The following SIDT2 variants were observed in gnomAD, a reference collection of about 807,000 sequenced individuals.
The protein encoded by SIDT2 is SID1 transmembrane family, member 2.
A neutral mutation model predicts 114.4 loss-of-function variants in SIDT2; 68 were observed. The observed-to-expected ratio is 0.59, with a 90% CI of 0.49 to 0.73. SIDT2 has a LOEUF of 0.73. SIDT2 is among the 30% of genes least tolerant of loss of function. SIDT2 has a pLI of 0.00. For synonymous variants in SIDT2, 470 were observed against 438.4 expected (o/e 1.07, Z -0.90); for missense variants, 918 against 1,097.1 (o/e 0.84, Z 2.31).
chr11:117,187,325 C>T (rs993761477), intron 10 of SIDT2, 53 bp from the exon 11 acceptor site: 1 of 1,532,764 alleles, frequency 6.5e-7, no homozygotes, highest in Non-Finnish European at 9.0e-7. Flanking sequence ...TTCTCCCTGG[C>T]TCTAGGCCTC....
At position 117,197,015 on chromosome 11, in the gene SIDT2, A is replaced by G. The variant is rs953268637; in HGVS notation, c.*949A>G. 1 of 152,608 alleles carries G rather than the reference A, an allele frequency of 6.6e-6. No individual in the cohort carries two copies. The highest frequency in any genetic ancestry group is 1.5e-5 in the Non-Finnish European group (1 of 68,090). 9.5% of individuals were successfully genotyped at this position (152,608 alleles called of 1,614,324 possible). A position where few individuals can be genotyped will look rare whatever the true frequency, so the allele number is the denominator to read the frequency against. On this transcript the variant is annotated 3_prime_UTR_variant, in exon 26 of 26. Coordinates refer to ENST00000324225, the MANE Select transcript of SIDT2 (RefSeq NM_001040455.2). ...GGGCACCCCAGTGCCTACCTTAGAA[A>G]GGGGCTTCAGGAAGGGATGTGCTGT...
chr11:117,189,108 C>T, intron 13 of SIDT2, 61 bp from the exon 14 acceptor site: 1 of 1,557,368 alleles, frequency 6.4e-7, no homozygotes, highest in Middle Eastern at 1.7e-4. Context: ...CCACCTCTAA[C>T]CTGGGGGAGG....
intron 18 of SIDT2, chr11:117,191,493 A>G: frequency 5.0e-6 from 1 of 200,090 alleles, no homozygotes; most frequent in South Asian, 8.9e-5. Context: ...CTGAGGCAGG[A>G]GAATTGCTTG....
chr11:117,194,059 A>T, intron 24 of SIDT2, 96 bp downstream of exon 24: 1 of 988,192 alleles, frequency 1.0e-6, no homozygotes, highest in Non-Finnish European at 1.5e-6. Flanking sequence ...TAATCCCAGC[A>T]CTTTGGGAAG....
chr11:117,193,886 C>G lies in SIDT2; in HGVS notation c.2245C>G (p.Leu749Val), dbSNP rs2030794159. 3 of 1,614,012 alleles carry G rather than the reference C, an allele frequency of 1.9e-6. No individual in the cohort carries two copies. Among genetic ancestry groups the G allele is most frequent in the African/African-American group, 1.3e-5 (1 of 74,934 alleles). ...TGGGGAGAGGATCAAGCTCATCCCCCTGCTCTGCATCGTTTGCACCTCCGT... is the reference window on the plus strand; with the variant it reads ...TGGGGAGAGGATCAAGCTCATCCCCGTGCTCTGCATCGTTTGCACCTCCGT... ...RSGERIKLIP[L>V]LCIVCTSVVW... Residue 749 changes from leucine (L) to valine (V), a missense_variant, in exon 24 of 26, where the codon CTG becomes GTG. Physicochemically the swap from Leu to Val is conservative, Grantham distance 32. This residue lies in a region of SIDT2 where 275 missense variants were observed against 397.6 expected (regional missense o/e 0.69). Transcript: ENST00000324225.
In SIDT2 at chr11:117,190,384, C is replaced by T. The variant is rs2030654578; in HGVS notation, c.1617+95C>T. ...ACCCTTTTGGGCAGGCCTGGCCCTG[C>T]CTTCCCCAGCTCTCCCCTCCCCAGT... On this transcript the variant is annotated intron_variant, in intron 17 of 25. Transcript: ENST00000324225. The surrounding 1 kb of genome is among the most constrained non-coding windows in gnomAD (Gnocchi z 4.1). The T allele has an allele frequency of 1.3e-6, 2 of 1,498,534 alleles. No individual in the cohort carries two copies. Among genetic ancestry groups the T allele is most frequent in the Admixed American group, 4.6e-5 (2 of 43,040 alleles). The allele number at this position is 1,498,534 out of a possible 1,614,324, so 92.8% of individuals were successfully genotyped here. A position where few individuals can be genotyped will look rare whatever the true frequency, so the allele number is the denominator to read the frequency against.
At chr11:117,184,214 G>A (rs1431058767) in intron 8 of SIDT2, 75 bp downstream of exon 8, 3 of 1,409,460 alleles carry the variant, frequency 2.1e-6, no homozygotes, top group African/African-American at 1.4e-5. Flanking sequence ...GATATAGGGT[G>A]TGCCCTGAAG....
At chr11:117,181,100 G>A (rs2030267117) in intron 1 of SIDT2, among the ~76,000 whole-genome samples, 1 of 152,142 alleles carries the variant, frequency 6.6e-6, no homozygotes, top group Admixed American at 6.5e-5. Flanking sequence ...TGCATCCTGT[G>A]CACATGGATA....
intron 10 of SIDT2, 34 bp downstream of exon 10, chr11:117,186,670 G>T (rs1479113900): frequency 1.2e-5 from 19 of 1,530,060 alleles, no homozygotes; most frequent in Non-Finnish European, 1.7e-5. Flanking sequence ...GGCGGGCACA[G>T]TGTGCTTTGT....
At position 117,193,873 on chromosome 11, in the gene SIDT2, C is replaced by A; in HGVS notation, c.2232C>A (p.Ile744=). The change falls in exon 24 of 26, where the codon ATC becomes ATA. Residue 744 remains isoleucine (I), a synonymous_variant. Coordinates refer to ENST00000324225, the MANE Select transcript of SIDT2 (RefSeq NM_001040455.2). ...IIMKLRSGER[I]KLIPLLCIVC... ...CCCAGCTCCGGAGTGGGGAGAGGAT[C>A]AAGCTCATCCCCCTGCTCTGCATCG... The A allele has an allele frequency of 6.2e-7, 1 of 1,614,026 alleles. No homozygotes were observed. Among genetic ancestry groups the A allele is most frequent in the Non-Finnish European group, 8.5e-7 (1 of 1,179,962 alleles).
At chr11:117,182,827 C>T (rs113609109) in intron 6 of SIDT2, 21 bp downstream of exon 6, 32 of 1,609,088 alleles carry the variant, frequency 2.0e-5, no homozygotes, top group African/African-American at 1.2e-4. Flanking sequence ...CATGTGGCCA[C>T]GTGGGAGGTG....
At position 117,188,420 on chromosome 11, in the gene SIDT2, G is replaced by A. The variant is rs866035343; in HGVS notation, c.1160-288G>A. 4.1e-6 allele frequency: 2 copies of A among 489,712 alleles called. No individual in the cohort carries two copies. The highest frequency in any genetic ancestry group is 3.9e-5 in the African/African-American group (2 of 51,938). The allele number at this position is 489,712 out of a possible 1,614,324, so 30.3% of individuals were successfully genotyped here. ...GTCTGCTGCCTGGGGTCTGCCTTGT[G>A]TCCTGGCCTGGGAAGCCCTAGCCCA... On this transcript the variant is annotated intron_variant, in intron 12 of 25. Coordinates refer to ENST00000324225, the MANE Select transcript of SIDT2 (RefSeq NM_001040455.2). This position sits in a 1 kb window ranked among gnomAD's most constrained non-coding sequence, Gnocchi z 4.0.
chr11:117,182,264 A>G (rs552512035), intron 4 of SIDT2, 159 bp downstream of exon 4: 28 of 859,952 alleles, frequency 3.3e-5, no homozygotes, highest in East Asian at 2.9e-4. Flanking sequence ...GGTGAGGGAC[A>G]GACAGCATGG....
chr11:117,188,485 T>G lies in SIDT2; in HGVS notation c.1160-223T>G. 2 of 572,406 alleles carry G rather than the reference T, an allele frequency of 3.5e-6. No individual in the cohort carries two copies. Among genetic ancestry groups the G allele is most frequent in the Non-Finnish European group, 6.3e-6 (2 of 318,902 alleles). 35.5% of individuals were successfully genotyped at this position (572,406 alleles called of 1,614,324 possible). Reference sequence around the variant, plus strand: ...AACAGAGCAAAGCTAGAGCGGCCCCTGTGTGGTGGCCTCTTCTAGAGTCTA... The same window carrying G: ...AACAGAGCAAAGCTAGAGCGGCCCCGGTGTGGTGGCCTCTTCTAGAGTCTA... On this transcript the variant is annotated intron_variant, in intron 12 of 25. Transcript: ENST00000324225. This position sits in a 1 kb window ranked among gnomAD's most constrained non-coding sequence, Gnocchi z 4.0.
intron 12 of SIDT2, 72 bp downstream of exon 12, chr11:117,187,771 G>C (rs978361688): frequency 2.4e-5 from 36 of 1,472,490 alleles, no homozygotes; most frequent in African/African-American, 8.3e-5. Flanking sequence ...CACGGTGGGC[G>C]GTTGCCTCTT....
Position 117,187,829 on chromosome 11 carries a change from T to C in SIDT2, c.1159+130T>C, listed in dbSNP as rs555177638. The C allele has an allele frequency of 3.5e-6, 3 of 848,210 alleles. No individual in the cohort carries two copies. The Admixed American group carries it at 5.8e-5, about 16-fold the overall frequency. The allele number at this position is 848,210 out of a possible 1,614,324, so 52.5% of individuals were successfully genotyped here. On this transcript the variant is annotated intron_variant, in intron 12 of 25. Coordinates refer to ENST00000324225, the MANE Select transcript of SIDT2 (RefSeq NM_001040455.2). Reference sequence around the variant, plus strand: ...AAGGGCCTGCTGTCTTCCTAACCCCTCTCTTCCCTCATCCCCTCCTCCTTG... The same window carrying C: ...AAGGGCCTGCTGTCTTCCTAACCCCCCTCTTCCCTCATCCCCTCCTCCTTG...
intron 12 of SIDT2, 78 bp downstream of exon 12, chr11:117,187,777 C>A (rs1265831569): frequency 7.1e-7 from 1 of 1,411,032 alleles, no homozygotes; most frequent in Non-Finnish European, 1.0e-6. Context: ...GGGCGGTTGC[C>A]TCTTCTGCCA....
chr11:117,185,891 A>AAG (rs1555036789), intron 8 of SIDT2: 1 of 129,800 alleles, frequency 7.7e-6, no homozygotes, highest in Non-Finnish European at 1.5e-5. Context: ...AAAAAAAAAA[A>AAG]AAAAGTAGAA....
chr11:117,189,918 A>G (rs1410177250), intron 15 of SIDT2, 34 bp from the exon 16 acceptor site: 2 of 1,609,074 alleles, frequency 1.2e-6, no homozygotes, highest in South Asian at 2.2e-5. Context: ...GGGCGTGACG[A>G]CAGACCCACT....
Sources: gnomAD v4.1 joint callset for allele counts (sites outside exome capture counted in the v4.1 genomes callset) on GRCh38, gnomAD v4.1.1 for gene constraint, gnomAD v4.1.1 regional missense constraint, Gnocchi (gnomAD v3.1) non-coding constraint, MANE v1.5 for transcripts, NCBI Gene and HGNC (gene_info 2026-07-23, HGNC 2026-07-21) for gene names.